DOP1B: variants seen among roughly 807,000 people sequenced by gnomAD.
DOP1B encodes the protein DOP1 leucine zipper like protein B.
A neutral mutation model predicts 233.5 loss-of-function variants in DOP1B; 174 were observed. The observed-to-expected ratio is 0.75, with a 90% CI of 0.66 to 0.85. The LOEUF (loss-of-function observed/expected upper bound fraction) is 0.85. Among genes scored for constraint, DOP1B ranks in the 40% least tolerant of loss-of-function variants. The pLI, the probability that DOP1B is intolerant of heterozygous loss-of-function variation, is 0.00. For synonymous variants in DOP1B, 1,190 were observed against 1,185.6 expected (o/e 1.00, Z -0.08); for missense variants, 2,652 against 2,846.6 (o/e 0.93, Z 1.56).
rs201277333 is a variant in DOP1B, at chr21:36,273,637, G to A, written c.5633-3384G>A. On this transcript the variant is annotated intron_variant, in intron 27 of 36. Transcript: ENST00000691173. ...CAGAGGTCTGGGAAGGCACTGCCCC[G>A]AGGGGATTGCAGGCCTTGGCCACGG... 5.9e-5 allele frequency among the ~76,000 whole-genome samples: 9 copies of A among 152,242 alleles called. No homozygotes were observed. The East Asian group carries it at 1.5e-3, about 26-fold the overall frequency.
At chr21:36,271,359 C>T (rs1418356791) in intron 27 of DOP1B, among the ~76,000 whole-genome samples, 7 of 151,174 alleles carry the variant, frequency 4.6e-5, no homozygotes, top group African/African-American at 9.7e-5. Context: ...CTGCAACCTC[C>T]GCCTCCCTGG....
At chr21:36,259,239 A>G (rs1266910823) in intron 23 of DOP1B, among the ~76,000 whole-genome samples, 1 of 150,742 alleles carries the variant, frequency 6.6e-6, no homozygotes, top group African/African-American at 2.4e-5. Context: ...TGCTGGGATT[A>G]CAGGCGTGAG....
intron 35 of DOP1B, among the ~76,000 whole-genome samples, chr21:36,291,262 A>G (rs925959228): frequency 6.6e-6 from 1 of 151,166 alleles, no homozygotes; most frequent in Non-Finnish European, 1.5e-5. Flanking sequence ...CTGCATCTCA[A>G]ACCAAAAAAA....
At chr21:36,232,754 T>G in intron 14 of DOP1B, 50 bp from the exon 15 acceptor site, 1 of 1,607,042 alleles carries the variant, frequency 6.2e-7, no homozygotes, top group Non-Finnish European at 8.5e-7. Context: ...TGGGGACCCA[T>G]TCTCACGTGG....
At chr21:36,160,390 G>A (rs1184534325) in intron 1 of DOP1B, among the ~76,000 whole-genome samples, 1 of 152,038 alleles carries the variant, frequency 6.6e-6, no homozygotes, top group East Asian at 1.9e-4. Context: ...GGCAGGATGG[G>A]TCCGTCTTGG....
At position 36,263,609 on chromosome 21, in the gene DOP1B, A is replaced by G. The variant is rs967826664; in HGVS notation, c.5379A>G (p.Val1793=). Residue 1793 remains valine (V), a synonymous_variant, in exon 25 of 37, where the codon GTA becomes GTG. Coordinates refer to ENST00000691173, the MANE Select transcript of DOP1B (RefSeq NM_001320714.2). ...TGTTGGGAGTATTGAAAGAGTCTGT[A>G]CAGTTGAATCTAGCCCCACCTGGGT... ...SSLLGVLKES[V]QLNLAPPGYF... is the part of the protein sequence containing the mutation. The G allele has an allele frequency of 4.3e-6, 7 of 1,614,120 alleles. No homozygotes were observed. Among genetic ancestry groups the G allele is most frequent in the Admixed American group, 3.3e-5 (2 of 59,996 alleles).
intron 35 of DOP1B, among the ~76,000 whole-genome samples, chr21:36,291,042 T>A (rs1450998470): frequency 1.3e-5 from 2 of 150,234 alleles, no homozygotes; most frequent in African/African-American, 4.9e-5. Context: ...GGCAGGCGGA[T>A]CATGAGGTCA....
chr21:36,278,070 C>T lies in DOP1B; in HGVS notation c.5808C>T (p.Tyr1936=), dbSNP rs553858540. ...GTCTGCTTTACTATGTTTTTCCATA[C>T]TTACGCAACCACAGGTAACGTCATC... is the stretch of plus-strand genomic sequence containing the variant. The part of the protein sequence containing the change: ...ISRLLYYVFP[Y]LRNHSAYNAP... The change falls in exon 29 of 37, where the codon TAC becomes TAT. Residue 1936 remains tyrosine, a synonymous_variant. Transcript: ENST00000691173. 11 of 1,614,108 alleles carry T rather than the reference C, an allele frequency of 6.8e-6. No homozygotes were observed. In the African/African-American group the frequency reaches 1.3e-4, roughly 20 times the overall value.
intron 2 of DOP1B, among the ~76,000 whole-genome samples, chr21:36,198,319 C>T: frequency 6.6e-6 from 1 of 151,756 alleles, no homozygotes; most frequent in East Asian, 1.9e-4. Flanking sequence ...GTCCCAGCTA[C>T]TTGGGAGGCT....
In DOP1B at chr21:36,214,463, C is replaced by T. The variant is rs1569025714; in HGVS notation, c.1036C>T (p.Gln346Ter). ...LVEGLAEILH[Q>*]KFIDADVEER... Reference sequence around the variant, plus strand: ...ATAGGGTTTGGCTGAGATATTGCATCAGAAGTTCATAGATGCTGACGTGGA... The same window carrying T: ...ATAGGGTTTGGCTGAGATATTGCATTAGAAGTTCATAGATGCTGACGTGGA... Residue 346 changes from glutamine to a stop codon, truncating the protein, a stop_gained, in exon 9 of 37, where the codon CAG becomes TAG. Transcript: ENST00000691173. LOFTEE classifies it high-confidence loss of function. The T allele has an allele frequency of 6.2e-7, 1 of 1,613,158 alleles. No homozygotes were observed. Among genetic ancestry groups the T allele is most frequent in the African/African-American group, 1.3e-5 (1 of 74,968 alleles).
At chr21:36,290,480 G>A (rs2067543210) in intron 35 of DOP1B, among the ~76,000 whole-genome samples, 1 of 151,662 alleles carries the variant, frequency 6.6e-6, no homozygotes, top group East Asian at 1.9e-4. Flanking sequence ...GGCCAACATG[G>A]TGAAAAACCC....
chr21:36,251,293 T>A lies in DOP1B; in HGVS notation c.5121+9T>A, dbSNP rs1482489424. On this transcript the variant is annotated intron_variant, in intron 22 of 36. Transcript: ENST00000691173. ...GTCACAGTAAGATGAAGGTAAAGTT[T>A]AAAAAGTTACAGGAGTGGTTAAACT... 3.1e-6 allele frequency: 5 copies of A among 1,608,122 alleles called. No individual in the cohort carries two copies. The highest frequency in any genetic ancestry group is 3.4e-6 in the Non-Finnish European group (4 of 1,178,400).
chr21:36,287,301 G>A (rs2067496629), intron 32 of DOP1B, among the ~76,000 whole-genome samples: 1 of 152,080 alleles, frequency 6.6e-6, no homozygotes. Flanking sequence ...ATATGGTGTT[G>A]TCTGCCAGCC....
chr21:36,184,465 T>C (rs558990662), intron 2 of DOP1B, among the ~76,000 whole-genome samples: 77 of 152,330 alleles, frequency 5.1e-4, no homozygotes, highest in Non-Finnish European at 9.0e-4. Flanking sequence ...ATCATAGGCA[T>C]GAGCCACCGT....
intron 2 of DOP1B, among the ~76,000 whole-genome samples, chr21:36,176,929 C>T (rs562630921): frequency 3.3e-5 from 5 of 152,268 alleles, no homozygotes; most frequent in African/African-American, 9.6e-5. Flanking sequence ...AGTGATTCTC[C>T]TGCCCCAGGC....
At chr21:36,186,327 C>T (rs921899469) in intron 2 of DOP1B, among the ~76,000 whole-genome samples, 1 of 151,900 alleles carries the variant, frequency 6.6e-6, no homozygotes, top group South Asian at 2.1e-4. Flanking sequence ...TATGTGTACA[C>T]GTGTGGGATG....
At position 36,199,222 on chromosome 21, in the gene DOP1B, A is replaced by C. The variant is rs773593592; in HGVS notation, c.291A>C (p.Lys97Asn). The C allele has an allele frequency of 1.9e-6, 3 of 1,614,012 alleles. No homozygotes were observed. Among genetic ancestry groups the C allele is most frequent in the Non-Finnish European group, 2.5e-6 (3 of 1,180,008 alleles). The stretch of plus-strand genomic sequence containing the variant: ...TTATCTTTAAAATCGTGGGGACCAA[A>C]TGGCTGGCCAAGGACTTGTTTCTGT... ...YEIIFKIVGT[K>N]WLAKDLFLYS... Residue 97 changes from lysine (K) to asparagine (N), a missense_variant, in exon 3 of 37, where the codon AAA becomes AAC. By Grantham distance (94) the Lys-to-Asn change is moderately conservative (BLOSUM62 0). Transcript: ENST00000691173.
intron 10 of DOP1B, among the ~76,000 whole-genome samples, chr21:36,222,186 T>G (rs1229031480): frequency 6.6e-6 from 1 of 152,090 alleles, no homozygotes; most frequent in African/African-American, 2.4e-5. Context: ...TCAGTATTTT[T>G]TAATGGCCAT....
intron 2 of DOP1B, among the ~76,000 whole-genome samples, chr21:36,176,097 C>CGTGTGCGTATGTGTGTGT (rs375729449): frequency 2.1e-5 from 3 of 141,742 alleles, no homozygotes; most frequent in Non-Finnish European, 3.1e-5. Context: ...GGTGTGTGTG[C>CGTGTGCGTATGTGTGTGT]GTGTGTGTGT....
Sources: allele counts gnomAD v4.1 joint callset (sites outside exome capture counted in the v4.1 genomes callset), GRCh38; gene constraint gnomAD v4.1.1; transcripts MANE v1.5; gene names NCBI Gene and HGNC (gene_info 2026-07-23, HGNC 2026-07-21).